Variants in PLEKHA3 observed in about 807,000 individuals in gnomAD.
The protein encoded by PLEKHA3 is pleckstrin homology domain-containing family A member 3.
Under a neutral mutation model 39.2 loss-of-function variants are expected in PLEKHA3, and 19 were observed. That is an observed-to-expected ratio of 0.48 (90% CI 0.34 to 0.71). The LOEUF (loss-of-function observed/expected upper bound fraction) is 0.71, where lower values mean the gene tolerates loss of function less well. PLEKHA3 is among the 30% of genes least tolerant of loss of function. The pLI is 0.01. For missense variants in PLEKHA3, 253 were observed against 359.5 expected, an observed-to-expected ratio of 0.70 and a Z score of 2.40; for synonymous variants, 97 against 118.6, an observed-to-expected ratio of 0.82 and a Z score of 1.18.
intron 7 of PLEKHA3, among the ~76,000 whole-genome samples, chr2:178,502,830 A>G (rs1685546734): frequency 6.6e-6 from 1 of 151,562 alleles, no homozygotes; most frequent in African/African-American, 2.4e-5. Flanking sequence ...ACACACGCGC[A>G]TACATATAGT....
intron 7 of PLEKHA3, among the ~76,000 whole-genome samples, chr2:178,501,929 T>G (rs1383995432): frequency 6.6e-6 from 1 of 151,986 alleles, no homozygotes; most frequent in Non-Finnish European, 1.5e-5. Context: ...GTTCCAATAG[T>G]TAGTTCATTT....
Position 178,501,064 on chromosome 2 carries a change from T to G in PLEKHA3, c.663T>G (p.Ser221Arg). Residue 221 changes from serine to arginine, a missense_variant, in exon 7 of 8, where the codon AGT becomes AGG. Ser to Arg is a moderately radical substitution (Grantham distance 110, BLOSUM62 -1). Coordinates refer to ENST00000234453, the MANE Select transcript of PLEKHA3 (RefSeq NM_019091.4). ...ATGCTTTTTACTTAATTTGCAGGAG[T>G]AGCCACTCTATAAAAGAACCAGTAT... ...SHPGSCSSER[S>R]SHSIKEPVST... 6.2e-7 allele frequency: 1 copy of G among 1,608,590 alleles called. No individual in the cohort carries two copies. The highest frequency in any genetic ancestry group is 8.5e-7 in the Non-Finnish European group (1 of 1,176,374).
chr2:178,486,508 C>T (rs776848852), intron 2 of PLEKHA3, among the ~76,000 whole-genome samples: 3 of 152,128 alleles, frequency 2.0e-5, no homozygotes, highest in Non-Finnish European at 4.4e-5. Context: ...TTTCCTTTGA[C>T]GTGGTGAGCT....
intron 6 of PLEKHA3, among the ~76,000 whole-genome samples, chr2:178,500,227 G>C (rs899022328): frequency 6.6e-6 from 1 of 151,922 alleles, no homozygotes; most frequent in Non-Finnish European, 1.5e-5. Flanking sequence ...GTTAAATGCT[G>C]TTTTGTCATG....
rs1432915590 is a variant in PLEKHA3 at position 178,503,806 on chromosome 2, A to C, written c.822A>C (p.Ser274=). The change falls in exon 8 of 8, where the codon TCA becomes TCC. Residue 274 remains serine (S), a synonymous_variant. Transcript: ENST00000234453. ...ATACACTTAATGGAGATTTGGCATC[A>C]GCAACCATTCCTGAAGAAAGCAGAC... ...SKNTLNGDLA[S]ATIPEESRLM... 6.2e-7 allele frequency: 1 copy of C among 1,612,022 alleles called. No homozygotes were observed. Among genetic ancestry groups the C allele is most frequent in the Non-Finnish European group, 8.5e-7 (1 of 1,178,374 alleles).
At position 178,516,090 on chromosome 2, in the gene PLEKHA3, A is replaced by G. The variant is rs940208663; in HGVS notation, c.*12203A>G. The G allele has an allele frequency of 1.2e-4, 18 of 151,290 alleles. No individual in the cohort carries two copies. The highest frequency in any genetic ancestry group is 8.9e-5 in the Non-Finnish European group (6 of 67,758). The allele number at this position is 151,290 out of a possible 1,614,324, so 9.4% of individuals were successfully genotyped here. Reference sequence around the variant, plus strand: ...CATATATATATATACATACATATATATACATAAAATGATTCTTGCAAAAGT... The same window carrying G: ...CATATATATATATACATACATATATGTACATAAAATGATTCTTGCAAAAGT... On this transcript the variant is annotated 3_prime_UTR_variant, in exon 8 of 8. Transcript: ENST00000234453.
chr2:178,488,130 G>A (rs7577862), intron 2 of PLEKHA3, among the ~76,000 whole-genome samples: 26,263 of 151,744 alleles, frequency 0.17, 2,959 homozygotes, highest in East Asian at 0.62. Context: ...AAAAAAAAAA[G>A]GGTTGAATGT....
chr2:178,485,792 TTAGA>T, intron 2 of PLEKHA3, 35 bp downstream of exon 2: 1 of 1,506,146 alleles, frequency 6.6e-7, no homozygotes, highest in Non-Finnish European at 9.2e-7. Context: ...GAATTGGAGG[TTAGA>T]TAGTCAAGGG....
intron 7 of PLEKHA3, 50 bp from the exon 8 acceptor site, chr2:178,503,710 T>C (rs753401252): frequency 1.9e-6 from 3 of 1,586,732 alleles, no homozygotes; most frequent in Non-Finnish European, 2.6e-6. Flanking sequence ...CACAGAGGAC[T>C]GGAGTTAATA....
At chr2:178,487,055 G>A (rs1685261977) in intron 2 of PLEKHA3, among the ~76,000 whole-genome samples, 1 of 152,240 alleles carries the variant, frequency 6.6e-6, no homozygotes, top group African/African-American at 2.4e-5. Context: ...TCAACTCCAA[G>A]TACAAGGAAA....
intron 4 of PLEKHA3, 52 bp downstream of exon 4, chr2:178,494,041 G>A (rs1227339010): frequency 6.4e-7 from 1 of 1,562,424 alleles, no homozygotes; most frequent in African/African-American, 1.4e-5. Context: ...AGTACTCTGG[G>A]GGGATCCTCA....
chr2:178,512,634 G>A lies in PLEKHA3; in HGVS notation c.*8747G>A, dbSNP rs1215713129. The A allele has an allele frequency of 6.5e-6, 1 of 153,732 alleles. No individual in the cohort carries two copies. Among genetic ancestry groups the A allele is most frequent in the Non-Finnish European group, 1.5e-5 (1 of 68,050 alleles). 9.5% of individuals were successfully genotyped at this position (153,732 alleles called of 1,614,324 possible). On this transcript the variant is annotated 3_prime_UTR_variant, in exon 8 of 8. Transcript: ENST00000234453. Reference sequence around the variant, plus strand: ...ACACTCTTCTTTCTCAACCTTTTCTGGTATTAGTAGGCAGAACTCCTTTTG... The same window carrying A: ...ACACTCTTCTTTCTCAACCTTTTCTAGTATTAGTAGGCAGAACTCCTTTTG...
In PLEKHA3 at chr2:178,491,345, G is replaced by T. The variant is rs1170665935; in HGVS notation, c.313+531G>T. ...GCTTTCACTGGCTGATATATAGACAGTAAGATGTTGAAAAGGAATTTCAAT... is the reference window on the plus strand; with the variant it reads ...GCTTTCACTGGCTGATATATAGACATTAAGATGTTGAAAAGGAATTTCAAT... On this transcript the variant is annotated intron_variant, in intron 3 of 7. Transcript: ENST00000234453. Among the ~76,000 whole-genome samples, 7 of 152,324 alleles carry T rather than the reference G, an allele frequency of 4.6e-5. No homozygotes were observed. In the East Asian group the frequency reaches 1.3e-3, roughly 29 times the overall value.
chr2:178,502,198 G>A (rs748419296), intron 7 of PLEKHA3: 25 of 186,038 alleles, frequency 1.3e-4, no homozygotes, highest in Admixed American at 6.1e-4. Flanking sequence ...AGGATTGCTG[G>A]TCATTTTTGG....
chr2:178,509,293 A>G lies in PLEKHA3; in HGVS notation c.*5406A>G, dbSNP rs1194473153. On this transcript the variant is annotated 3_prime_UTR_variant, in exon 8 of 8. Transcript: ENST00000234453. The stretch of plus-strand genomic sequence containing the variant: ...AAAAAATAAAAATTCTTTAGTATTA[A>G]TTTGTAATTCATTCTAGTGATTTTT... 4 of 152,152 alleles carry G rather than the reference A, an allele frequency of 2.6e-5. No individual in the cohort carries two copies. Among genetic ancestry groups the G allele is most frequent in the Non-Finnish European group, 5.9e-5 (4 of 68,022 alleles). 9.4% of individuals were successfully genotyped at this position (152,152 alleles called of 1,614,324 possible). A position where few individuals can be genotyped will look rare whatever the true frequency, so the allele number is the denominator to read the frequency against.
chr2:178,514,664 A>G lies in PLEKHA3; in HGVS notation c.*10777A>G, dbSNP rs970850947. ...GTCACATGGTGCTCAGGAAAAAAAA[A>G]GTGCCAATATTCTTTTTTTTTTTTT... On this transcript the variant is annotated 3_prime_UTR_variant, in exon 8 of 8. Coordinates refer to ENST00000234453, the MANE Select transcript of PLEKHA3 (RefSeq NM_019091.4). 1 of 149,036 alleles carries G rather than the reference A, an allele frequency of 6.7e-6. No homozygotes were observed. The highest frequency in any genetic ancestry group is 1.5e-5 in the Non-Finnish European group (1 of 67,910). The allele number at this position is 149,036 out of a possible 1,614,324, so 9.2% of individuals were successfully genotyped here.
Position 178,508,230 on chromosome 2 carries a change from T to C in PLEKHA3, c.*4343T>C, listed in dbSNP as rs1468217718. The C allele has an allele frequency of 1.3e-5, 2 of 153,430 alleles. No homozygotes were observed. The highest frequency in any genetic ancestry group is 2.9e-5 in the Non-Finnish European group (2 of 67,978). The allele number at this position is 153,430 out of a possible 1,614,324, so 9.5% of individuals were successfully genotyped here. A position where few individuals can be genotyped will look rare whatever the true frequency, so the allele number is the denominator to read the frequency against. ...CTCTCTAGTTGTTCCTTAAGTTATA[T>C]TATCTTTGTTCTTTTTGTTATCCTC... On this transcript the variant is annotated 3_prime_UTR_variant, in exon 8 of 8. Coordinates refer to ENST00000234453, the MANE Select transcript of PLEKHA3 (RefSeq NM_019091.4).
At chr2:178,496,012 T>C (rs1420768189) in intron 5 of PLEKHA3, among the ~76,000 whole-genome samples, 1 of 152,124 alleles carries the variant, frequency 6.6e-6, no homozygotes. Context: ...TGGAATGAGA[T>C]TTTAGTCACA....
chr2:178,503,965 G>A lies in PLEKHA3; in HGVS notation c.*78G>A, dbSNP rs1685569848. The A allele has an allele frequency of 2.0e-6, 3 of 1,523,112 alleles. No individual in the cohort carries two copies. The highest frequency in any genetic ancestry group is 2.7e-6 in the Non-Finnish European group (3 of 1,109,920). 94.3% of individuals were successfully genotyped at this position (1,523,112 alleles called of 1,614,324 possible). On this transcript the variant is annotated 3_prime_UTR_variant, in exon 8 of 8. Coordinates refer to ENST00000234453, the MANE Select transcript of PLEKHA3 (RefSeq NM_019091.4). ...AATTAAACTATTGTTATAGGGAGTA[G>A]TTTTTTCCCTTAGGACTCTGCACTT...
Sources: gnomAD v4.1 joint callset for allele counts (sites outside exome capture counted in the v4.1 genomes callset) on GRCh38, gnomAD v4.1.1 for gene constraint, MANE v1.5 for transcripts, NCBI Gene and HGNC (gene_info 2026-07-23, HGNC 2026-07-21) for gene names.